The following DPP10 variants were observed in gnomAD, a reference collection of about 807,000 sequenced individuals.
The protein encoded by DPP10 is dipeptidyl peptidase like 10, also known as inactive dipeptidyl peptidase 10.
DPP10 carries 33 observed loss-of-function variants against 120.9 expected under a neutral mutation model. That is an observed-to-expected ratio of 0.27 (90% CI 0.21 to 0.37). The LOEUF (loss-of-function observed/expected upper bound fraction) is 0.37, where lower values mean the gene tolerates loss of function less well. DPP10 is among the 10% of genes least tolerant of loss of function. The pLI, the probability that DPP10 is intolerant of heterozygous loss-of-function variation, is 1.00. For missense variants in DPP10, 816 were observed against 942.8 expected, an observed-to-expected ratio of 0.87 and a Z score of 1.76; for synonymous variants, 337 against 326.1, an observed-to-expected ratio of 1.03 and a Z score of -0.36.
intron 4 of DPP10, among the ~76,000 whole-genome samples, chr2:115,520,954 A>G (rs1441695485): frequency 6.6e-6 from 1 of 152,202 alleles, no homozygotes; most frequent in Non-Finnish European, 1.5e-5. Context: ...ACAACCTAGA[A>G]GTGCAATCAC....
chr2:115,780,974 C>T lies in DPP10; in HGVS notation c.1462C>T (p.His488Tyr), dbSNP rs2149865432. 6.3e-7 allele frequency: 1 copy of T among 1,588,462 alleles called. No individual in the cohort carries two copies. Among genetic ancestry groups the T allele is most frequent in the South Asian group, 1.1e-5 (1 of 87,876 alleles). Residue 488 changes from histidine (H) to tyrosine (Y), a missense_variant, in exon 16 of 26, where the codon CAT becomes TAT. By Grantham distance (83) the His-to-Tyr change is moderately conservative. This residue lies in a region of DPP10 where 592 missense variants were observed against 649.0 expected (regional missense o/e 0.91). Coordinates refer to ENST00000410059, the MANE Select transcript of DPP10 (RefSeq NM_020868.6). Reference protein sequence around the residue: ...FDASFSPMNQHFLLFCEGPRV... With the variant: ...FDASFSPMNQYFLLFCEGPRV... ...TGCCAGTTTTAGTCCCATGAATCAA[C>T]ATTTCTTATTATTCTGTGAAGGTAA...
intron 5 of DPP10, among the ~76,000 whole-genome samples, chr2:115,625,749 A>G (rs1387330544): frequency 6.6e-6 from 1 of 152,112 alleles, no homozygotes; most frequent in Non-Finnish European, 1.5e-5. Flanking sequence ...GCATAGTTGT[A>G]TAATATTGAA....
At chr2:114,837,302 G>C (rs552671152) in intron 1 of DPP10, among the ~76,000 whole-genome samples, 1 of 152,058 alleles carries the variant, frequency 6.6e-6, no homozygotes, top group Non-Finnish European at 1.5e-5. Flanking sequence ...CACAATCCAC[G>C]TTCTTCTGCC....
intron 1 of DPP10, among the ~76,000 whole-genome samples, chr2:115,032,206 A>T (rs13000312): frequency 2.1e-5 from 3 of 142,252 alleles, no homozygotes. Flanking sequence ...TTTTTTTCTT[A>T]CCAAAATGCC....
At chr2:115,585,220 G>C (rs2082215719) in intron 5 of DPP10, among the ~76,000 whole-genome samples, 1 of 152,142 alleles carries the variant, frequency 6.6e-6, no homozygotes, top group South Asian at 2.1e-4. Context: ...TGTGAGCTAA[G>C]AAGTAAATTA....
intron 1 of DPP10, among the ~76,000 whole-genome samples, chr2:114,949,428 T>G (rs940394491): frequency 6.6e-6 from 1 of 152,168 alleles, no homozygotes; most frequent in Non-Finnish European, 1.5e-5. Flanking sequence ...TAGTACCTAT[T>G]GTTAACCACT....
At chr2:115,555,942 A>G (rs1243806618) in intron 5 of DPP10, among the ~76,000 whole-genome samples, 1 of 152,116 alleles carries the variant, frequency 6.6e-6, no homozygotes, top group Non-Finnish European at 1.5e-5. Flanking sequence ...ATTGGCAAGC[A>G]AATAGATTGG....
At chr2:114,574,077 T>C (rs906678488) in intron 1 of DPP10, among the ~76,000 whole-genome samples, 28 of 152,154 alleles carry the variant, frequency 1.8e-4, no homozygotes, top group African/African-American at 6.5e-4. Flanking sequence ...AAATATCCTG[T>C]TTTATGCAAT....
chr2:115,432,702 T>TC (rs1480036665), intron 3 of DPP10, among the ~76,000 whole-genome samples: 1 of 149,026 alleles, frequency 6.7e-6, no homozygotes, highest in Non-Finnish European at 1.5e-5. Context: ...TGTGTGTGTC[T>TC]TTTAGCTCAG....
At chr2:115,107,630 CTT>C (rs1441283983) in intron 1 of DPP10, among the ~76,000 whole-genome samples, 1 of 151,712 alleles carries the variant, frequency 6.6e-6, no homozygotes, top group African/African-American at 2.4e-5. Context: ...ATAACAAAAT[CTT>C]TTTCAATTTA....
intron 1 of DPP10, among the ~76,000 whole-genome samples, chr2:114,491,297 C>T (rs1462244954): frequency 6.6e-6 from 1 of 152,130 alleles, no homozygotes; most frequent in African/African-American, 2.4e-5. Context: ...AATTTTCATT[C>T]ATAACATAAT....
chr2:115,340,976 G>A (rs541792838), intron 2 of DPP10, among the ~76,000 whole-genome samples: 14 of 152,032 alleles, frequency 9.2e-5, no homozygotes, highest in Middle Eastern at 3.4e-3. Context: ...GTAAATTTAC[G>A]TGATAGGGAA....
intron 1 of DPP10, among the ~76,000 whole-genome samples, chr2:114,623,586 G>A (rs56868181): frequency 0.11 from 17,133 of 151,900 alleles, 1,350 homozygotes; most frequent in African/African-American, 0.22. Context: ...TCAACAAAAA[G>A]GTGGCAGCAA....
At chr2:114,793,953 A>G (rs767231857) in intron 1 of DPP10, among the ~76,000 whole-genome samples, 10 of 152,190 alleles carry the variant, frequency 6.6e-5, no homozygotes, top group Non-Finnish European at 1.3e-4. Flanking sequence ...GGTTATTTTC[A>G]TCCTAAGGTT....
At chr2:115,583,035 A>C (rs960599908) in intron 5 of DPP10, among the ~76,000 whole-genome samples, 21 of 152,220 alleles carry the variant, frequency 1.4e-4, no homozygotes, top group African/African-American at 4.6e-4. Context: ...ATGAATAAGA[A>C]AGCCTTTGTA....
chr2:114,803,721 A>G (rs1172917783), intron 1 of DPP10, among the ~76,000 whole-genome samples: 1 of 152,236 alleles, frequency 6.6e-6, no homozygotes, highest in Non-Finnish European at 1.5e-5. Context: ...TCTAAGCAGC[A>G]AACCATTCAA....
At chr2:114,479,111 T>A (rs1201132092) in intron 1 of DPP10, among the ~76,000 whole-genome samples, 1 of 150,854 alleles carries the variant, frequency 6.6e-6, no homozygotes, top group African/African-American at 2.4e-5. Context: ...AAAATGCTGA[T>A]GAAAGAAATC....
intron 1 of DPP10, among the ~76,000 whole-genome samples, chr2:115,121,324 A>T (rs1437672529): frequency 6.6e-6 from 1 of 152,208 alleles, no homozygotes; most frequent in Non-Finnish European, 1.5e-5. Flanking sequence ...CCCATTACCC[A>T]ACAGGATTTG....
At chr2:114,734,670 T>C (rs907843770) in intron 1 of DPP10, among the ~76,000 whole-genome samples, 3 of 152,210 alleles carry the variant, frequency 2.0e-5, no homozygotes, top group South Asian at 2.1e-4. Flanking sequence ...AAAAATATTT[T>C]ACAGAGTTTG....
Sources: gnomAD v4.1 joint callset for allele counts (sites outside exome capture counted in the v4.1 genomes callset) on GRCh38, gnomAD v4.1.1 for gene constraint, gnomAD v4.1.1 regional missense constraint, MANE v1.5 for transcripts, NCBI Gene and HGNC (gene_info 2026-07-23, HGNC 2026-07-21) for gene names.